KLHL29: variants seen among roughly 807,000 people sequenced by gnomAD.
KLHL29 encodes the protein kelch-like protein 29.
A neutral mutation model predicts 80.4 loss-of-function variants in KLHL29; 21 were observed. That is an observed-to-expected ratio of 0.26 (90% confidence interval 0.19 to 0.38). The LOEUF (loss-of-function observed/expected upper bound fraction) is 0.38. Ranked by LOEUF, KLHL29 falls within the 10% of genes least tolerant of loss-of-function variation. The pLI is 1.00. For missense variants in KLHL29, 867 were observed against 1,223.9 expected (o/e 0.71, Z 4.35); for synonymous variants, 511 against 526.8 (o/e 0.97, Z 0.41).
At chr2:23,458,839 C>T (rs1286865695) in intron 1 of KLHL29, among the ~76,000 whole-genome samples, 1 of 152,180 alleles carries the variant, frequency 6.6e-6, no homozygotes, top group Non-Finnish European at 1.5e-5. Flanking sequence ...GCAGCTGGTG[C>T]ATGCATGGTC....
intron 2 of KLHL29, among the ~76,000 whole-genome samples, chr2:23,551,121 T>C (rs941637308): frequency 2.6e-5 from 4 of 152,256 alleles, no homozygotes; most frequent in Non-Finnish European, 5.9e-5. Flanking sequence ...AATCAAATGG[T>C]AGCCACCACA....
chr2:23,567,470 A>C (rs1040248309), intron 3 of KLHL29, among the ~76,000 whole-genome samples: 9 of 152,164 alleles, frequency 5.9e-5, no homozygotes, highest in Non-Finnish European at 1.2e-4. Flanking sequence ...CATCGTCAAC[A>C]CTCAAAACAC....
At chr2:23,665,037 C>T (rs1216120097) in intron 5 of KLHL29, among the ~76,000 whole-genome samples, 4 of 152,264 alleles carry the variant, frequency 2.6e-5, no homozygotes, top group Admixed American at 6.5e-5. Flanking sequence ...GCCTCTCTCA[C>T]GTGCCTGGGT....
chr2:23,408,650 T>G (rs1294452704), intron 1 of KLHL29, among the ~76,000 whole-genome samples: 2 of 152,256 alleles, frequency 1.3e-5, no homozygotes, highest in Non-Finnish European at 2.9e-5. Context: ...GCTGGGTTAC[T>G]GAACTTTCTG....
chr2:23,497,060 G>GA (rs35779582), intron 2 of KLHL29, among the ~76,000 whole-genome samples: 40,707 of 143,410 alleles, frequency 0.28, 5,695 homozygotes, highest in East Asian at 0.58. Context: ...CCTAGGGTAG[G>GA]AAAAAAAAAA....
At chr2:23,636,399 G>GA (rs756008103) in intron 3 of KLHL29, among the ~76,000 whole-genome samples, 3,599 of 131,820 alleles carry the variant, frequency 0.027, 127 homozygotes, top group African/African-American at 0.09. Flanking sequence ...TACCCTAAAG[G>GA]AAAAAAAAAA....
In KLHL29 at chr2:23,560,263, C is replaced by CTTTTT. The variant is rs67065961; in HGVS notation, c.-45-1867_-45-1863dup. On this transcript the variant is annotated intron_variant, in intron 2 of 13. Coordinates refer to ENST00000486442, the MANE Select transcript of KLHL29 (RefSeq NM_052920.2). Reference sequence around the variant, plus strand: ...TTTTAACCATGTAATATTGGATAGGCTTTTTTTTTTTTTTTTTTTTTTTTT... The same window carrying CTTTTT: ...TTTTAACCATGTAATATTGGATAGGCTTTTTTTTTTTTTTTTTTTTTTTTTTTTTT... 8.5e-4 allele frequency among the ~76,000 whole-genome samples: 62 copies of CTTTTT among 73,234 alleles called. 5 individuals are homozygous for CTTTTT. The highest frequency in any genetic ancestry group is 3.4e-3 in the African/African-American group (56 of 16,656). 48.0% of individuals were successfully genotyped at this position (73,234 alleles called of 152,430 possible).
chr2:23,425,576 C>T (rs907609234), intron 1 of KLHL29, among the ~76,000 whole-genome samples: 14 of 152,160 alleles, frequency 9.2e-5, no homozygotes, highest in African/African-American at 3.4e-4. Flanking sequence ...CCCCTGCCTG[C>T]GTCCTACCCT....
In KLHL29 at chr2:23,639,260, TGAGA is replaced by T; in HGVS notation, c.413_416del (p.Glu138ValfsTer10). 1 of 1,547,648 alleles carries T rather than the reference TGAGA, an allele frequency of 6.5e-7. No homozygotes were observed. Among genetic ancestry groups the T allele is most frequent in the Non-Finnish European group, 8.7e-7 (1 of 1,145,296 alleles). ...ACTGATGAGCCACCCTCCAAACAGA[TGAGA>T]GAGAGTGACAATCCAGGTACGTACC... On this transcript the variant is annotated frameshift_variant, in exon 4 of 14. Coordinates refer to ENST00000486442, the MANE Select transcript of KLHL29 (RefSeq NM_052920.2). LOFTEE classifies it high-confidence loss of function.
intron 5 of KLHL29, among the ~76,000 whole-genome samples, chr2:23,655,251 C>T (rs1670213667): frequency 6.6e-6 from 1 of 152,208 alleles, no homozygotes; most frequent in Admixed American, 6.5e-5. Flanking sequence ...GCGTCTCCCA[C>T]ACCTTAATCA....
intron 5 of KLHL29, among the ~76,000 whole-genome samples, chr2:23,671,123 T>C (rs1463129112): frequency 6.6e-6 from 1 of 151,302 alleles, no homozygotes; most frequent in Non-Finnish European, 1.5e-5. Context: ...TTCCATTTCA[T>C]TTCCCTCTTT....
intron 2 of KLHL29, among the ~76,000 whole-genome samples, chr2:23,526,638 C>T (rs1666330092): frequency 6.6e-6 from 1 of 152,184 alleles, no homozygotes; most frequent in African/African-American, 2.4e-5. Context: ...CATAGAGCAG[C>T]AGCAGCCGTG....
At chr2:23,653,433 C>A (rs1193551951) in intron 5 of KLHL29, among the ~76,000 whole-genome samples, 1 of 152,214 alleles carries the variant, frequency 6.6e-6, no homozygotes, top group Admixed American at 6.5e-5. Context: ...AGCTCTTAAG[C>A]CTCTCCAAGC....
intron 2 of KLHL29, among the ~76,000 whole-genome samples, chr2:23,547,993 C>A (rs1186163623): frequency 6.6e-6 from 1 of 152,058 alleles, no homozygotes; most frequent in Non-Finnish European, 1.5e-5. Context: ...GTGTGCGTGG[C>A]CACATCCTTC....
At position 23,590,703 on chromosome 2, in the gene KLHL29, TC is replaced by T. The variant is rs754976314; in HGVS notation, c.285+28225del. The stretch of plus-strand genomic sequence containing the variant: ...AAGTCCAGGCCACCTAGAACCAGGG[TC>T]CCTAGCTCCCCTTCTGGAACCCAAT... On this transcript the variant is annotated intron_variant, in intron 3 of 13. Coordinates refer to ENST00000486442, the MANE Select transcript of KLHL29 (RefSeq NM_052920.2). Among the ~76,000 whole-genome samples, 19 of 151,806 alleles carry T rather than the reference TC, an allele frequency of 1.3e-4. No homozygotes were observed. In the East Asian group the frequency reaches 1.6e-3, roughly 12 times the overall value.
rs1262939559 is a variant in KLHL29, at chr2:23,624,935, G to A, written c.286-14204G>A. 2.0e-5 allele frequency among the ~76,000 whole-genome samples: 3 copies of A among 152,222 alleles called. No homozygotes were observed. The East Asian group carries it at 5.8e-4, about 29-fold the overall frequency. On this transcript the variant is annotated intron_variant, in intron 3 of 13. Transcript: ENST00000486442. ...TGTCCTGCCTGCTTTATAGATGAAG[G>A]AGAGAAGCAGGGGCTCAGAGAGGTG...
At chr2:23,671,456 C>T (rs539842406) in intron 5 of KLHL29, among the ~76,000 whole-genome samples, 4 of 152,118 alleles carry the variant, frequency 2.6e-5, no homozygotes, top group African/African-American at 4.8e-5. Context: ...CACAACAAAG[C>T]GAGGTTTCAT....
intron 5 of KLHL29, among the ~76,000 whole-genome samples, chr2:23,677,157 C>G (rs1670945732): frequency 6.6e-6 from 1 of 152,210 alleles, no homozygotes; most frequent in African/African-American, 2.4e-5. Context: ...TGAGAATGTT[C>G]CAGCTGGAAG....
In KLHL29 at chr2:23,684,625, T is replaced by C; in HGVS notation, c.1079+88T>C. On this transcript the variant is annotated intron_variant, in intron 6 of 13. Coordinates refer to ENST00000486442, the MANE Select transcript of KLHL29 (RefSeq NM_052920.2). This position sits in a 1 kb window ranked among gnomAD's most constrained non-coding sequence, Gnocchi z 4.4. ...TCTCTTCCCCTCTCTTGCAGGTTCC[T>C]GAAGCGTGACTCCCTGTCACAGAGC... 2 of 1,240,556 alleles carry C rather than the reference T, an allele frequency of 1.6e-6. No homozygotes were observed. Among genetic ancestry groups the C allele is most frequent in the Non-Finnish European group, 2.2e-6 (2 of 914,956 alleles). The allele number at this position is 1,240,556 out of a possible 1,614,324, so 76.8% of individuals were successfully genotyped here.
Sources: allele counts gnomAD v4.1 joint callset (sites outside exome capture counted in the v4.1 genomes callset), GRCh38; gene constraint gnomAD v4.1.1; non-coding constraint Gnocchi (gnomAD v3.1); transcripts MANE v1.5; gene names NCBI Gene and HGNC (gene_info 2026-07-23, HGNC 2026-07-21).